MAP4K3: variants seen among roughly 807,000 people sequenced by gnomAD.
MAP4K3 encodes the protein mitogen-activated protein kinase kinase kinase kinase 3.
In MAP4K3, 94 loss-of-function variants were observed where a neutral mutation model predicts 143.5. The observed-to-expected ratio is 0.65, with a 90% confidence interval of 0.55 to 0.78. The LOEUF (loss-of-function observed/expected upper bound fraction) is 0.78, where lower values mean the gene tolerates loss of function less well. Among genes scored for constraint, MAP4K3 ranks in the 30% least tolerant of loss-of-function variants. The pLI, the probability that MAP4K3 is intolerant of heterozygous loss-of-function variation, is 0.00. For missense variants in MAP4K3, 1,077 were observed against 1,068.1 expected, an observed-to-expected ratio of 1.01 and a Z score of -0.12; for synonymous variants, 416 against 347.2, an observed-to-expected ratio of 1.20 and a Z score of -2.20.
At chr2:39,382,143 T>C (rs1413530147) in intron 1 of MAP4K3, among the ~76,000 whole-genome samples, 1 of 152,212 alleles carries the variant, frequency 6.6e-6, no homozygotes, top group African/African-American at 2.4e-5. Flanking sequence ...AAAGAATTTT[T>C]CTGAGATGAT....
intron 2 of MAP4K3, among the ~76,000 whole-genome samples, chr2:39,361,686 ATTAT>A (rs1375993667): frequency 6.6e-6 from 1 of 151,348 alleles, no homozygotes; most frequent in Non-Finnish European, 1.5e-5. Context: ...TTATTTAAAC[ATTAT>A]TTAAACTACA....
At chr2:39,422,459 T>C (rs1371978613) in intron 1 of MAP4K3, among the ~76,000 whole-genome samples, 1 of 152,134 alleles carries the variant, frequency 6.6e-6, no homozygotes, top group Non-Finnish European at 1.5e-5. Flanking sequence ...GAGTGAGGCC[T>C]CAGAAGAACC....
At chr2:39,378,036 G>T (rs773656787) in intron 2 of MAP4K3, 30 bp downstream of exon 2, 37 of 1,308,758 alleles carry the variant, frequency 2.8e-5, no homozygotes, top group East Asian at 2.3e-4. Flanking sequence ...CTTTCTAGCA[G>T]TAAGAAAAAA....
intron 1 of MAP4K3, among the ~76,000 whole-genome samples, chr2:39,426,998 T>C (rs2148634215): frequency 6.6e-6 from 1 of 152,150 alleles, no homozygotes; most frequent in East Asian, 1.9e-4. Context: ...TAAATATTTT[T>C]ATTAAAATCC....
chr2:39,412,201 G>A (rs767957172), intron 1 of MAP4K3, among the ~76,000 whole-genome samples: 1 of 152,222 alleles, frequency 6.6e-6, no homozygotes, highest in African/African-American at 2.4e-5. Flanking sequence ...ATCAGTAACA[G>A]CTAGCGCGGG....
chr2:39,255,770 C>T (rs1431802785), intron 31 of MAP4K3, among the ~76,000 whole-genome samples: 1 of 152,186 alleles, frequency 6.6e-6, no homozygotes, highest in Non-Finnish European at 1.5e-5. Flanking sequence ...AAGCAATTCT[C>T]CTGCCTCAGC....
chr2:39,372,324 G>A (rs547137898), intron 2 of MAP4K3, among the ~76,000 whole-genome samples: 1 of 151,938 alleles, frequency 6.6e-6, no homozygotes, highest in African/African-American at 2.4e-5. Flanking sequence ...CATGTTCATG[G>A]ACTGGAAGAA....
chr2:39,416,850 T>C (rs1231698617), intron 1 of MAP4K3, among the ~76,000 whole-genome samples: 1 of 152,214 alleles, frequency 6.6e-6, no homozygotes, highest in Admixed American at 6.5e-5. Flanking sequence ...GGAGGCAAAC[T>C]GGGTTCAACT....
chr2:39,370,343 A>G (rs770558134), intron 2 of MAP4K3, among the ~76,000 whole-genome samples: 1 of 152,186 alleles, frequency 6.6e-6, no homozygotes, highest in Non-Finnish European at 1.5e-5. Flanking sequence ...CGATAAACAC[A>G]AGGCAGCACT....
intron 1 of MAP4K3, among the ~76,000 whole-genome samples, chr2:39,392,191 A>AAAG (rs1666683355): frequency 6.6e-6 from 1 of 151,184 alleles, no homozygotes; most frequent in Non-Finnish European, 1.5e-5. Flanking sequence ...CTCAAAAAAA[A>AAAG]AAAAAAAAAA....
intron 33 of MAP4K3, among the ~76,000 whole-genome samples, chr2:39,251,596 G>C (rs946619927): frequency 5.3e-5 from 8 of 152,170 alleles, no homozygotes; most frequent in Non-Finnish European, 1.0e-4. Flanking sequence ...CTGCAAATCA[G>C]ATGTCAGTAT....
At chr2:39,353,577 A>T (rs1242475861) in intron 3 of MAP4K3, among the ~76,000 whole-genome samples, 1 of 152,210 alleles carries the variant, frequency 6.6e-6, no homozygotes, top group Non-Finnish European at 1.5e-5. Context: ...AATGAAGCAA[A>T]ATCATAAAAT....
rs768190902 is a variant in MAP4K3 at position 39,337,520 on chromosome 2, AT to A, written c.366+5del. 3.1e-6 allele frequency: 5 copies of A among 1,607,410 alleles called. No homozygotes were observed. The East Asian group carries it at 8.9e-5, about 29-fold the overall frequency. The stretch of plus-strand genomic sequence containing the variant: ...AATGTTATTTTTGAATTAGCACTTG[AT>A]TTACCTGCAGTGTTTCTCTGCTAAC... On this transcript the variant is annotated splice_donor_5th_base_variant and intron_variant, in intron 5 of 33. Transcript: ENST00000263881.
chr2:39,280,246 T>A (rs1238498117), intron 23 of MAP4K3, 26 bp downstream of exon 23: 1 of 1,336,136 alleles, frequency 7.5e-7, no homozygotes, highest in Non-Finnish European at 1.0e-6. Context: ...ATTAGGAAGA[T>A]AACAGATAAA....
intron 2 of MAP4K3, among the ~76,000 whole-genome samples, chr2:39,361,461 C>T (rs113486946): frequency 4.0e-4 from 60 of 150,864 alleles, no homozygotes; most frequent in African/African-American, 1.3e-3. Context: ...AAAAATAAGG[C>T]GGTATAAACA....
At chr2:39,292,914 G>T in intron 17 of MAP4K3, 88 bp from the exon 18 acceptor site, 2 of 1,115,674 alleles carry the variant, frequency 1.8e-6, no homozygotes, top group Non-Finnish European at 2.7e-6. Flanking sequence ...AAAAGCTACT[G>T]TAAGATAAAA....
chr2:39,287,476 T>A (rs950746913), intron 20 of MAP4K3, among the ~76,000 whole-genome samples: 1 of 152,144 alleles, frequency 6.6e-6, no homozygotes, highest in African/African-American at 2.4e-5. Context: ...TTTGTATTTT[T>A]TTTTTTAGTA....
intron 27 of MAP4K3, among the ~76,000 whole-genome samples, chr2:39,265,981 T>C (rs1227803571): frequency 1.3e-5 from 2 of 152,116 alleles, no homozygotes; most frequent in Non-Finnish European, 2.9e-5. Context: ...GGAACAGCAG[T>C]AAAGTTCACA....
At chr2:39,374,346 C>T (rs1666161623) in intron 2 of MAP4K3, among the ~76,000 whole-genome samples, 1 of 151,836 alleles carries the variant, frequency 6.6e-6, no homozygotes, top group South Asian at 2.1e-4. Flanking sequence ...GGTGACAGAG[C>T]GAGACTCTAT....
Sources: gnomAD v4.1 joint callset for allele counts (sites outside exome capture counted in the v4.1 genomes callset) on GRCh38, gnomAD v4.1.1 for gene constraint, MANE v1.5 for transcripts, NCBI Gene and HGNC (gene_info 2026-07-23, HGNC 2026-07-21) for gene names.